BTG4: variants seen among roughly 807,000 people sequenced by gnomAD.
The protein encoded by BTG4 is BTG anti-proliferation factor 4.
In BTG4, 10 loss-of-function variants were observed where a neutral mutation model predicts 19.3. That is an observed-to-expected ratio of 0.52 (90% CI 0.32 to 0.88). The LOEUF (loss-of-function observed/expected upper bound fraction) is 0.88. Among genes scored for constraint, BTG4 ranks in the 40% least tolerant of loss-of-function variants. The pLI is 0.04. For missense variants in BTG4, 238 were observed against 281.9 expected, an observed-to-expected ratio of 0.84 and a Z score of 1.11; for synonymous variants, 91 against 95.7, an observed-to-expected ratio of 0.95 and a Z score of 0.29.
intron 2 of BTG4, 34 bp from the exon 3 acceptor site, chr11:111,498,169 T>C (rs569891632): frequency 6.2e-7 from 1 of 1,610,044 alleles, no homozygotes; most frequent in South Asian, 1.1e-5. Flanking sequence ...GAAGACATGA[T>C]GACAGACACT....
chr11:111,497,378 C>A lies in BTG4; in HGVS notation c.343G>T (p.Ala115Ser). ...YGEKNHPFTV[A>S]SFKGRWEEWE... is the part of the protein sequence containing the mutation. ...TCCTCCCATCTGCCTTTAAAAGAAG[C>A]AACTGTAAATGGATGGTTTTTCTCA... The change falls in exon 4 of 5, where the codon GCT becomes TCT. Residue 115 changes from alanine to serine, a missense_variant. Physicochemically the swap from Ala to Ser is moderately conservative, Grantham distance 99. Coordinates refer to ENST00000692032, the MANE Select transcript of BTG4 (RefSeq NM_001367975.1). The A allele has an allele frequency of 7.2e-7, 1 of 1,396,940 alleles. No homozygotes were observed. 86.5% of individuals were successfully genotyped at this position (1,396,940 alleles called of 1,614,324 possible). A position where few individuals can be genotyped will look rare whatever the true frequency, so the allele number is the denominator to read the frequency against.
In BTG4 at chr11:111,475,099, A is replaced by G. The variant is rs1028152354; in HGVS notation, c.663-7418T>C. ...TTTATTTTTTCCATTTTATTTTTAGATCTAGAAAGAAAATGGTAATCTCAT... is the reference window on the plus strand; with the variant it reads ...TTTATTTTTTCCATTTTATTTTTAGGTCTAGAAAGAAAATGGTAATCTCAT... On this transcript the variant is annotated intron_variant, in intron 5 of 5. Transcript: ENST00000356018. The G allele has an allele frequency of 2.0e-5, 3 of 152,580 alleles. No individual in the cohort carries two copies. The East Asian group carries it at 5.8e-4, about 29-fold the overall frequency. 9.5% of individuals were successfully genotyped at this position (152,580 alleles called of 1,614,324 possible). A position where few individuals can be genotyped will look rare whatever the true frequency, so the allele number is the denominator to read the frequency against.
chr11:111,506,510 A>C (rs990471650), intron 1 of BTG4, among the ~76,000 whole-genome samples: 7 of 152,188 alleles, frequency 4.6e-5, no homozygotes, highest in African/African-American at 1.7e-4. Context: ...AAAATTACCT[A>C]CTGGATACAA....
chr11:111,411,707 G>A, the BTG4 span, among the ~76,000 whole-genome samples: 1 of 152,122 alleles, frequency 6.6e-6, no homozygotes, highest in African/African-American at 2.4e-5. Context: ...GCTGGCCCAT[G>A]GATCACACTT....
At chr11:111,441,330 G>C in the BTG4 span, among the ~76,000 whole-genome samples, 56 of 152,060 alleles carry the variant, frequency 3.7e-4, no homozygotes, top group African/African-American at 1.2e-3. Flanking sequence ...AGGAAGGAAG[G>C]AGTATTGAGA....
chr11:111,419,702 G>A, the BTG4 span, among the ~76,000 whole-genome samples: 1 of 152,230 alleles, frequency 6.6e-6, no homozygotes, highest in African/African-American at 2.4e-5. Context: ...GTCTCTGACT[G>A]CCAGCCAAGG....
intron 1 of BTG4, among the ~76,000 whole-genome samples, chr11:111,502,108 A>G (rs929741491): frequency 1.3e-5 from 2 of 151,888 alleles, no homozygotes; most frequent in African/African-American, 4.8e-5. Flanking sequence ...TAAAAATACC[A>G]ATGTCTGCCT....
chr11:111,504,290 G>C (rs550210617), intron 1 of BTG4, among the ~76,000 whole-genome samples: 1 of 152,148 alleles, frequency 6.6e-6, no homozygotes, highest in East Asian at 1.9e-4. Context: ...CCACATAAAA[G>C]GAAGTTACAT....
downstream of BTG4, among the ~76,000 whole-genome samples, chr11:111,491,112 A>G (rs1250617172): frequency 6.6e-6 from 1 of 152,234 alleles, no homozygotes; most frequent in Non-Finnish European, 1.5e-5. Context: ...TAGTGAAAAG[A>G]GCCAATTCCA....
the BTG4 span, among the ~76,000 whole-genome samples, chr11:111,428,854 C>G: frequency 6.6e-6 from 1 of 152,146 alleles, no homozygotes; most frequent in African/African-American, 2.4e-5. Flanking sequence ...ACCAGGAATA[C>G]AGTGTGAGGG....
At chr11:111,452,931 G>C in the BTG4 span, among the ~76,000 whole-genome samples, 16 of 152,148 alleles carry the variant, frequency 1.1e-4, no homozygotes, top group African/African-American at 3.9e-4. Context: ...GGTAAGTTGA[G>C]GAGGGGGTAC....
the BTG4 span, among the ~76,000 whole-genome samples, chr11:111,424,770 C>T: frequency 2.6e-5 from 4 of 152,096 alleles, no homozygotes; most frequent in African/African-American, 9.7e-5. Context: ...CCAGCCTGAC[C>T]AATATGGTGA....
At chr11:111,441,134 A>G in the BTG4 span, among the ~76,000 whole-genome samples, 1 of 151,726 alleles carries the variant, frequency 6.6e-6, no homozygotes, top group African/African-American at 2.4e-5. Context: ...TTTTTTCACA[A>G]ATACATTTCA....
chr11:111,391,357 T>C, the BTG4 span, among the ~76,000 whole-genome samples: 1 of 152,212 alleles, frequency 6.6e-6, no homozygotes, highest in African/African-American at 2.4e-5. Context: ...GGTTTTGAAA[T>C]ACAGGCAGGA....
chr11:111,497,616 AC>A lies in BTG4; in HGVS notation c.312-208del, dbSNP rs1448401433. ...GTTAATTGTTCAGAAAAAAACAAAG[AC>A]TAGTTTCTTTTGATTCAGTTAATGA... On this transcript the variant is annotated intron_variant, in intron 3 of 4. Transcript: ENST00000692032. 2.0e-5 allele frequency among the ~76,000 whole-genome samples: 3 copies of A among 152,288 alleles called. No homozygotes were observed. The East Asian group carries it at 5.8e-4, about 29-fold the overall frequency.
chr11:111,431,125 T>C, the BTG4 span, among the ~76,000 whole-genome samples: 2 of 152,322 alleles, frequency 1.3e-5, no homozygotes, highest in South Asian at 4.2e-4. Context: ...AACATATTTG[T>C]GTACCTTAAC....
chr11:111,470,258 A>G (rs1478569512), intron 5 of BTG4, among the ~76,000 whole-genome samples: 1 of 151,936 alleles, frequency 6.6e-6, no homozygotes, highest in East Asian at 1.9e-4. Flanking sequence ...AATTTTCATA[A>G]TTTTTTGTAG....
the BTG4 span, chr11:111,455,542 G>A: frequency 1.1e-3 from 275 of 248,556 alleles, 1 homozygote; most frequent in African/African-American, 6.0e-3. Flanking sequence ...TCGACGCTGA[G>A]GGAGGTTCAG....
At chr11:111,468,863 C>A (rs1263440077) in intron 5 of BTG4, among the ~76,000 whole-genome samples, 1 of 152,126 alleles carries the variant, frequency 6.6e-6, no homozygotes, top group African/African-American at 2.4e-5. Context: ...CCTTGTGATT[C>A]TTATTACACA....
Sources: gnomAD v4.1 joint callset for allele counts (sites outside exome capture counted in the v4.1 genomes callset) on GRCh38, gnomAD v4.1.1 for gene constraint, MANE v1.5 for transcripts, NCBI Gene and HGNC (gene_info 2026-07-23, HGNC 2026-07-21) for gene names.